KIF15: variants seen among roughly 807,000 people sequenced by gnomAD.
The protein encoded by KIF15 is kinesin-like protein KIF15.
In KIF15, 140 loss-of-function variants were observed where a neutral mutation model predicts 190.6. That is an observed-to-expected ratio of 0.73 (90% CI 0.64 to 0.84). KIF15 has a LOEUF of 0.84. Among genes scored for constraint, KIF15 ranks in the 40% least tolerant of loss-of-function variants. The pLI is 0.00. For missense variants in KIF15, 1,372 were observed against 1,584.4 expected, an observed-to-expected ratio of 0.87 and a Z score of 2.28; for synonymous variants, 528 against 551.3, an observed-to-expected ratio of 0.96 and a Z score of 0.59.
intron 10 of KIF15, among the ~76,000 whole-genome samples, chr3:44,798,450 A>G (rs1707101299): frequency 1.3e-5 from 2 of 151,916 alleles, no homozygotes; most frequent in Non-Finnish European, 2.9e-5. Flanking sequence ...AGCTGGGACT[A>G]CAGGCGCCCA....
intron 6 of KIF15, among the ~76,000 whole-genome samples, chr3:44,868,425 G>T (rs1391857611): frequency 6.6e-6 from 1 of 152,064 alleles, no homozygotes; most frequent in Admixed American, 6.5e-5. Flanking sequence ...GAATAATGCT[G>T]CTTTGAACAA....
chr3:44,795,723 T>C (rs1388124442), intron 8 of KIF15, among the ~76,000 whole-genome samples: 1 of 152,148 alleles, frequency 6.6e-6, no homozygotes, highest in Non-Finnish European at 1.5e-5. Flanking sequence ...CAATAAAATA[T>C]TTGTAGAGTC....
Position 44,780,873 on chromosome 3 carries a change from C to T in KIF15, c.324-12C>T. 6.4e-7 allele frequency: 1 copy of T among 1,563,658 alleles called. No individual in the cohort carries two copies. Among genetic ancestry groups the T allele is most frequent in the Non-Finnish European group, 8.7e-7 (1 of 1,144,434 alleles). On this transcript the variant is annotated splice_polypyrimidine_tract_variant and intron_variant, in intron 4 of 34. Transcript: ENST00000326047. ...TTATGTGTAAAAATAATATGTAAAA[C>T]ATTTTTTACAGTGGACAGACTGGCT...
intron 16 of KIF15, among the ~76,000 whole-genome samples, chr3:44,810,112 G>A (rs1707721950): frequency 6.6e-6 from 1 of 152,134 alleles, no homozygotes; most frequent in Non-Finnish European, 1.5e-5. Context: ...TTTCCTCCCA[G>A]TGTTCTATTT....
chr3:44,818,356 T>C (rs1423954266), intron 20 of KIF15, among the ~76,000 whole-genome samples: 2 of 152,234 alleles, frequency 1.3e-5, no homozygotes, highest in Non-Finnish European at 2.9e-5. Flanking sequence ...TTTTGTCCAT[T>C]CAGTATGATA....
chr3:44,826,203 G>A lies in KIF15; in HGVS notation c.2700+14G>A. On this transcript the variant is annotated intron_variant, in intron 21 of 34. Coordinates refer to ENST00000326047, the MANE Select transcript of KIF15 (RefSeq NM_020242.3). The stretch of plus-strand genomic sequence containing the variant: ...TCTGATCTGAATGTATGTTAAGAAG[G>A]GTGAATTTGTCCCGCATCTGTGACT... The A allele has an allele frequency of 6.4e-7, 1 of 1,563,592 alleles. No homozygotes were observed. Among genetic ancestry groups the A allele is most frequent in the Non-Finnish European group, 8.6e-7 (1 of 1,164,236 alleles).
Position 44,813,129 on chromosome 3 carries a change from C to T in KIF15, c.2332C>T (p.Gln778Ter). 1 of 1,601,450 alleles carries T rather than the reference C, an allele frequency of 6.2e-7. No homozygotes were observed. Among genetic ancestry groups the T allele is most frequent in the Non-Finnish European group, 8.5e-7 (1 of 1,176,196 alleles). Residue 778 changes from glutamine to a stop codon, truncating the protein, a stop_gained, in exon 19 of 35, where the codon CAG (glutamine) becomes TAG (stop). Transcript: ENST00000326047. LOFTEE classifies it high-confidence loss of function. ...CAAACAGCAGGAAGAGCTTCTCTCA[C>T]AGTTGAATGTCCTTGAAAAGCAGCT... is the stretch of plus-strand genomic sequence containing the variant. ...WTKQQEELLS[Q>*]LNVLEKQLQE... is the part of the protein sequence containing the mutation.
chr3:44,802,233 T>C (rs556277369), intron 13 of KIF15, among the ~76,000 whole-genome samples: 3 of 152,304 alleles, frequency 2.0e-5, no homozygotes, highest in East Asian at 1.9e-4. Context: ...CAGTGGGCAG[T>C]TGTGGTTATC....
chr3:44,812,369 C>T (rs1707823591), intron 18 of KIF15, 80 bp downstream of exon 18: 4 of 976,870 alleles, frequency 4.1e-6, no homozygotes, highest in African/African-American at 1.6e-5. Flanking sequence ...CAAGGATCCT[C>T]AAACATCCTT....
chr3:44,763,590 A>T (rs186783119), intron 1 of KIF15, among the ~76,000 whole-genome samples: 2 of 151,302 alleles, frequency 1.3e-5, no homozygotes, highest in East Asian at 2.0e-4. Flanking sequence ...ATGAGCCACC[A>T]CACCCGGCCC....
chr3:44,866,415 A>G (rs1032714920), intron 6 of KIF15, among the ~76,000 whole-genome samples: 2 of 152,108 alleles, frequency 1.3e-5, no homozygotes, highest in Non-Finnish European at 2.9e-5. Context: ...TGTAATTCCT[A>G]GTTCAAAGTG....
chr3:44,783,045 A>G (rs1706238054), intron 5 of KIF15, among the ~76,000 whole-genome samples: 1 of 152,228 alleles, frequency 6.6e-6, no homozygotes. Context: ...TCAGGCAGCT[A>G]AATGGAATAA....
At chr3:44,802,589 G>A (rs1193376463) in intron 13 of KIF15, among the ~76,000 whole-genome samples, 2 of 152,128 alleles carry the variant, frequency 1.3e-5, no homozygotes, top group Non-Finnish European at 2.9e-5. Flanking sequence ...TCCTTAGGTG[G>A]GTGAACATTT....
At chr3:44,857,959 T>C (rs1699204615), downstream of KIF15, among the ~76,000 whole-genome samples, 1 of 152,150 alleles carries the variant, frequency 6.6e-6, no homozygotes, top group South Asian at 2.1e-4. Flanking sequence ...GTCATCAATA[T>C]ATTGAATAAG....
At chr3:44,821,687 C>A (rs1310799575) in intron 20 of KIF15, among the ~76,000 whole-genome samples, 1 of 151,790 alleles carries the variant, frequency 6.6e-6, no homozygotes, top group Non-Finnish European at 1.5e-5. Context: ...TGATGGGCGG[C>A]CAGGCAGAGA....
At chr3:44,807,577 T>C (rs1575620192) in intron 16 of KIF15, among the ~76,000 whole-genome samples, 7 of 152,294 alleles carry the variant, frequency 4.6e-5, no homozygotes, top group Admixed American at 6.5e-5. Context: ...CTTCTGTTGT[T>C]CTTCCAGCCA....
rs755372741 is a variant in KIF15 at position 44,838,257 on chromosome 3, A to G, written c.3172-18A>G. On this transcript the variant is annotated intron_variant, in intron 26 of 34. Transcript: ENST00000326047. ...GGAATACCATAATTAAGAAACTGTGATGATTGTCTCCTAACAGAGGGATAT... is the reference window on the plus strand; with the variant it reads ...GGAATACCATAATTAAGAAACTGTGGTGATTGTCTCCTAACAGAGGGATAT... The G allele has an allele frequency of 6.3e-7, 1 of 1,578,540 alleles. No individual in the cohort carries two copies. Among genetic ancestry groups the G allele is most frequent in the South Asian group, 1.2e-5 (1 of 85,650 alleles).
At chr3:44,835,296 G>A (rs940349616) in intron 26 of KIF15, among the ~76,000 whole-genome samples, 2 of 152,092 alleles carry the variant, frequency 1.3e-5, no homozygotes, top group East Asian at 3.9e-4. Flanking sequence ...CTGGAATGTA[G>A]TAATGCGATC....
intron 32 of KIF15, among the ~76,000 whole-genome samples, chr3:44,849,793 C>T (rs191098157): frequency 2.0e-4 from 30 of 152,068 alleles, no homozygotes; most frequent in Admixed American, 2.0e-4. Flanking sequence ...AATCATATGG[C>T]TTTGTTATGT....
Sources: allele counts gnomAD v4.1 joint callset (sites outside exome capture counted in the v4.1 genomes callset), GRCh38; gene constraint gnomAD v4.1.1; transcripts MANE v1.5; gene names NCBI Gene and HGNC (gene_info 2026-07-23, HGNC 2026-07-21).